STARD13: variants seen among roughly 807,000 people sequenced by gnomAD.
STARD13 encodes the protein StAR related lipid transfer domain containing 13, also known as stAR-related lipid transfer protein 13.
STARD13 carries 62 observed loss-of-function variants against 106.4 expected under a neutral mutation model. The observed-to-expected ratio is 0.58, with a 90% confidence interval of 0.48 to 0.72. The LOEUF (loss-of-function observed/expected upper bound fraction) is 0.72, where lower values mean the gene tolerates loss of function less well. Among genes scored for constraint, STARD13 ranks in the 30% least tolerant of loss-of-function variants. STARD13 has a pLI of 0.00. For synonymous variants in STARD13, 565 were observed against 553.0 expected, an observed-to-expected ratio of 1.02 and a Z score of -0.31; for missense variants, 1,387 against 1,424.0, an observed-to-expected ratio of 0.97 and a Z score of 0.42.
chr13:33,584,360 T>C, the STARD13 span, among the ~76,000 whole-genome samples: 1 of 152,110 alleles, frequency 6.6e-6, no homozygotes. Context: ...GGAGGTGCCA[T>C]GGCCAGAGCA....
intron 7 of STARD13, among the ~76,000 whole-genome samples, chr13:33,125,518 A>G (rs632463): frequency 0.53 from 81,139 of 151,942 alleles, 23,087 homozygotes; most frequent in Non-Finnish European, 0.63. Flanking sequence ...TAGCTTCAGC[A>G]TTGAATCAAC....
the STARD13 span, among the ~76,000 whole-genome samples, chr13:33,453,944 T>C: frequency 1.3e-5 from 2 of 152,314 alleles, no homozygotes; most frequent in East Asian, 3.9e-4. Context: ...GTAAAACTGA[T>C]AGTTCGTGAT....
intron 1 of STARD13, among the ~76,000 whole-genome samples, chr13:33,292,980 C>T (rs1892349535): frequency 6.6e-6 from 1 of 152,154 alleles, no homozygotes; most frequent in Non-Finnish European, 1.5e-5. Context: ...CCGTTAGCCT[C>T]CTCCACGTTG....
chr13:33,572,372 C>T, the STARD13 span, among the ~76,000 whole-genome samples: 1 of 152,144 alleles, frequency 6.6e-6, no homozygotes, highest in African/African-American at 2.4e-5. Context: ...AAGGCAAACA[C>T]CAAGATGTAA....
At chr13:33,199,562 A>T (rs1886868262) in intron 1 of STARD13, among the ~76,000 whole-genome samples, 1 of 152,260 alleles carries the variant, frequency 6.6e-6, no homozygotes, top group Non-Finnish European at 1.5e-5. Context: ...AACTCTAAAG[A>T]TAAAAATAAC....
At chr13:33,356,293 A>T in the STARD13 span, among the ~76,000 whole-genome samples, 3 of 152,234 alleles carry the variant, frequency 2.0e-5, no homozygotes, top group Admixed American at 1.3e-4. Context: ...TCGCATTAGC[A>T]TATCGATTTA....
chr13:33,295,781 C>A (rs899569998), intron 1 of STARD13, among the ~76,000 whole-genome samples: 4 of 152,052 alleles, frequency 2.6e-5, no homozygotes, highest in African/African-American at 9.7e-5. Flanking sequence ...TTGCAGGTGC[C>A]TAGAGGGATG....
the STARD13 span, chr13:33,656,714 T>C: frequency 4.6e-5 from 7 of 152,360 alleles, no homozygotes; most frequent in African/African-American, 1.7e-4. Context: ...TTTAGATTCC[T>C]ATGGAAATTC....
intron 3 of STARD13, among the ~76,000 whole-genome samples, chr13:33,163,012 G>T (rs1882813868): frequency 1.3e-5 from 2 of 152,282 alleles, no homozygotes; most frequent in South Asian, 2.1e-4. Flanking sequence ...TGGACTTACA[G>T]TTCCACATGG....
chr13:33,463,903 C>A, the STARD13 span, among the ~76,000 whole-genome samples: 1 of 151,664 alleles, frequency 6.6e-6, no homozygotes, highest in Non-Finnish European at 1.5e-5. Context: ...TCCCAGCTAT[C>A]AGGAGGCTGA....
the STARD13 span, among the ~76,000 whole-genome samples, chr13:33,410,990 C>G: frequency 6.6e-6 from 1 of 152,164 alleles, no homozygotes; most frequent in Non-Finnish European, 1.5e-5. Flanking sequence ...TCCATGCAAA[C>G]TTTTAGGCTT....
intron 1 of STARD13, among the ~76,000 whole-genome samples, chr13:33,227,191 C>T (rs998290074): frequency 3.9e-5 from 6 of 152,224 alleles, no homozygotes; most frequent in African/African-American, 1.4e-4. Flanking sequence ...GAAGTAACAT[C>T]AGATCTCTAG....
At chr13:33,140,602 G>A (rs1168942596) in intron 4 of STARD13, among the ~76,000 whole-genome samples, 3 of 152,038 alleles carry the variant, frequency 2.0e-5, no homozygotes, top group African/African-American at 4.8e-5. Flanking sequence ...TTAAGGTGAG[G>A]TCCACTAAAA....
chr13:33,149,074 G>A (rs1880923372), intron 3 of STARD13, among the ~76,000 whole-genome samples: 1 of 152,136 alleles, frequency 6.6e-6, no homozygotes, highest in South Asian at 2.1e-4. Context: ...GTGGAAAGGT[G>A]GAACACAGAG....
At chr13:33,422,429 C>A in the STARD13 span, among the ~76,000 whole-genome samples, 7 of 152,046 alleles carry the variant, frequency 4.6e-5, no homozygotes, top group Non-Finnish European at 1.0e-4. Flanking sequence ...AACCACTGCT[C>A]AGCGAAATAA....
chr13:33,153,262 T>C (rs542843898), intron 3 of STARD13, among the ~76,000 whole-genome samples: 11 of 152,276 alleles, frequency 7.2e-5, no homozygotes, highest in Admixed American at 6.5e-4. Context: ...ATCCCCACTG[T>C]TGAGCACTTG....
intron 1 of STARD13, among the ~76,000 whole-genome samples, chr13:33,334,373 CT>C (rs1036238713): frequency 3.9e-5 from 6 of 152,162 alleles, no homozygotes; most frequent in Non-Finnish European, 7.3e-5. Context: ...AAGGGGGAAA[CT>C]TGAAGCCAGA....
intron 3 of STARD13, among the ~76,000 whole-genome samples, chr13:33,148,490 C>T (rs1247679589): frequency 6.6e-6 from 1 of 152,198 alleles, no homozygotes; most frequent in Non-Finnish European, 1.5e-5. Flanking sequence ...CTCAACATCA[C>T]ATGTCATTAG....
At chr13:33,415,635 T>G in the STARD13 span, among the ~76,000 whole-genome samples, 1 of 152,074 alleles carries the variant, frequency 6.6e-6, no homozygotes, top group Non-Finnish European at 1.5e-5. Context: ...TGTCTTTTGC[T>G]GCAGCGCTCC....
Sources: gnomAD v4.1 joint callset for allele counts (sites outside exome capture counted in the v4.1 genomes callset) on GRCh38, gnomAD v4.1.1 for gene constraint, MANE v1.5 for transcripts, NCBI Gene and HGNC (gene_info 2026-07-23, HGNC 2026-07-21) for gene names.